The following C11orf86 variants were observed in gnomAD, a reference collection of about 807,000 sequenced individuals.
C11orf86 encodes the protein chromosome 11 open reading frame 86.
C11orf86 carries 13 observed loss-of-function variants against 11.1 expected under a neutral mutation model. That is an observed-to-expected ratio of 1.17 (90% CI 0.76 to 1.86). The LOEUF (loss-of-function observed/expected upper bound fraction) is 1.86. C11orf86 is among the 40% of genes most tolerant of loss of function. The pLI is 0.00. For missense variants in C11orf86, 144 were observed against 146.5 expected, an observed-to-expected ratio of 0.98 and a Z score of 0.09; for synonymous variants, 86 against 64.7, an observed-to-expected ratio of 1.33 and a Z score of -1.58.
rs368214742 is a variant in C11orf86, at chr11:66,976,197, G to A, written c.297G>A (p.Glu99=). ...TCCAGCAGGTAAGAAGAAGGTGGGA[G>A]AGCTTTGTCGCCATCTTCCCCAGCG... ...RYQQQVRRRW[E]SFVAIFPSVT... The change falls in exon 2 of 2, where the codon GAG becomes GAA. Residue 99 remains glutamate, a synonymous_variant. Transcript: ENST00000683896. 1 of 1,551,446 alleles carries A rather than the reference G, an allele frequency of 6.4e-7. No homozygotes were observed. The highest frequency in any genetic ancestry group is 8.7e-7 in the Non-Finnish European group (1 of 1,146,996).
In C11orf86 at chr11:66,975,336, A is replaced by C; in HGVS notation, c.-27A>C. ...CAGTGTCTTGCTGAGGGGCCGGAGC[A>C]GTCCTGTGCCTGCAGCCTCCGGAGC... On this transcript the variant is annotated 5_prime_UTR_variant, in exon 1 of 2. Transcript: ENST00000683896. The C allele has an allele frequency of 6.5e-7, 1 of 1,536,074 alleles. No homozygotes were observed. Among genetic ancestry groups the C allele is most frequent in the Non-Finnish European group, 8.7e-7 (1 of 1,143,396 alleles).
At position 66,975,652 on chromosome 11, in the gene C11orf86, C is replaced by T. The variant is rs1949783647; in HGVS notation, c.276+14C>T. The T allele has an allele frequency of 6.5e-7, 1 of 1,546,104 alleles. No homozygotes were observed. On this transcript the variant is annotated intron_variant, in intron 1 of 1. Transcript: ENST00000683896. ...CGGTACCAACAGGTATGGCTGTGGG[C>T]TGAAGGATGGAGGGTACCACAGCAG...
rs181163597 is a variant in C11orf86 at position 66,976,510 on chromosome 11, C to A, written c.*259C>A. On this transcript the variant is annotated 3_prime_UTR_variant, in exon 2 of 2. Coordinates refer to ENST00000683896, the MANE Select transcript of C11orf86 (RefSeq NM_001353554.2). ...AAAAGAAGGGGGCTCAGCTGTCTGC[C>A]CTCTGGGCTTGGGTAGGGGCCTTGG... 7.4e-6 allele frequency: 4 copies of A among 537,696 alleles called. No homozygotes were observed. Among genetic ancestry groups the A allele is most frequent in the Admixed American group, 3.1e-5 (1 of 32,000 alleles). The allele number at this position is 537,696 out of a possible 1,614,324, so 33.3% of individuals were successfully genotyped here.
At position 66,975,554 on chromosome 11, in the gene C11orf86, G is replaced by T. The variant is rs776069089; in HGVS notation, c.192G>T (p.Arg64=). The change falls in exon 1 of 2, where the codon CGG becomes CGT. Residue 64 remains arginine (R), a synonymous_variant. Coordinates refer to ENST00000683896, the MANE Select transcript of C11orf86 (RefSeq NM_001353554.2). ...GGCCAGATGCCACTGCCCAGGAGCG[G>T]GTGCCGGGGAGCCTGGGGGACACAG... is the stretch of plus-strand genomic sequence containing the variant. ...TEGPDATAQE[R]VPGSLGDTEQ... is the part of the protein sequence containing the mutation. 1.3e-6 allele frequency: 2 copies of T among 1,551,530 alleles called. No homozygotes were observed. The highest frequency in any genetic ancestry group is 3.9e-5 in the Admixed American group (2 of 50,988).
intron 1 of C11orf86, 75 bp downstream of exon 1, chr11:66,975,713 AC>A: frequency 6.6e-6 from 10 of 1,506,406 alleles, no homozygotes; most frequent in Non-Finnish European, 7.9e-6. Context: ...AGGTTCAGAG[AC>A]AGAGCCAGCC....
In C11orf86 at chr11:66,975,569, G is replaced by C; in HGVS notation, c.207G>C (p.Leu69=). ...CCCAGGAGCGGGTGCCGGGGAGCCTGGGGGACACAGAGCAGCTGATCCAAG... is the reference window on the plus strand; with the variant it reads ...CCCAGGAGCGGGTGCCGGGGAGCCTCGGGGACACAGAGCAGCTGATCCAAG... The part of the protein sequence containing the change: ...ATAQERVPGS[L]GDTEQLIQAQ... Residue 69 remains leucine (L), a synonymous_variant, in exon 1 of 2, where the codon CTG becomes CTC. Transcript: ENST00000683896. The C allele has an allele frequency of 6.4e-7, 1 of 1,551,462 alleles. No homozygotes were observed. Among genetic ancestry groups the C allele is most frequent in the Non-Finnish European group, 8.7e-7 (1 of 1,146,910 alleles).
At position 66,976,523 on chromosome 11, in the gene C11orf86, G is replaced by GT; in HGVS notation, c.*273dup. On this transcript the variant is annotated 3_prime_UTR_variant, in exon 2 of 2. Transcript: ENST00000683896. ...TCAGCTGTCTGCCCTCTGGGCTTGG[G>GT]TAGGGGCCTTGGACTATGATTCTAT... The GT allele has an allele frequency of 1.9e-6, 1 of 518,128 alleles. No individual in the cohort carries two copies. Among genetic ancestry groups the GT allele is most frequent in the Non-Finnish European group, 3.5e-6 (1 of 287,990 alleles). 32.1% of individuals were successfully genotyped at this position (518,128 alleles called of 1,614,324 possible). A position where few individuals can be genotyped will look rare whatever the true frequency, so the allele number is the denominator to read the frequency against.
Sources: gnomAD v4.1 joint callset for allele counts on GRCh38, gnomAD v4.1.1 for gene constraint, MANE v1.5 for transcripts, NCBI Gene and HGNC (gene_info 2026-07-23, HGNC 2026-07-21) for gene names.